Variants in ARSG observed in about 807,000 individuals in gnomAD.
ARSG encodes the protein arylsulfatase G, also known as ASG.
ARSG carries 37 observed loss-of-function variants against 50.5 expected under a neutral mutation model. That is an observed-to-expected ratio of 0.73 (90% CI 0.56 to 0.96). The LOEUF (loss-of-function observed/expected upper bound fraction) is 0.96, where lower values mean the gene tolerates loss of function less well. Among genes scored for constraint, ARSG ranks in the 50% least tolerant of loss-of-function variants. The probability of loss-of-function intolerance (pLI) is 0.00; values close to 1 mark genes in which losing one functional copy is unlikely to be tolerated. For synonymous variants in ARSG, 225 were observed against 254.6 expected (o/e 0.88, Z 1.11); for missense variants, 629 against 675.3 (o/e 0.93, Z 0.76).
At chr17:68,444,722 G>T in the ARSG span, 2 of 661,402 alleles carry the variant, frequency 3.0e-6, no homozygotes, top group Non-Finnish European at 5.0e-6. Flanking sequence ...GATGCATTTT[G>T]AAGATTGTGT....
chr17:68,305,260 C>T (rs1036926767), intron 1 of ARSG, among the ~76,000 whole-genome samples: 5 of 152,158 alleles, frequency 3.3e-5, no homozygotes, highest in African/African-American at 7.2e-5. Flanking sequence ...CTTCAATTCC[C>T]GTCTTTCAAA....
At chr17:68,406,177 T>C (rs2081707107) in intron 11 of ARSG, among the ~76,000 whole-genome samples, 2 of 152,224 alleles carry the variant, frequency 1.3e-5, no homozygotes, top group African/African-American at 2.4e-5. Context: ...TCACTTAGAA[T>C]AATAGCCTCC....
At chr17:68,441,808 T>G in the ARSG span, among the ~76,000 whole-genome samples, 1 of 152,192 alleles carries the variant, frequency 6.6e-6, no homozygotes, top group East Asian at 1.9e-4. Context: ...TCAGGAGAAG[T>G]TGAGGTGATA....
chr17:68,360,194 T>C (rs1396359217), intron 6 of ARSG, among the ~76,000 whole-genome samples: 1 of 152,222 alleles, frequency 6.6e-6, no homozygotes. Context: ...GTTAATTCAT[T>C]AGCTGGTTAT....
intron 1 of ARSG, among the ~76,000 whole-genome samples, chr17:68,273,640 G>A (rs1446916195): frequency 7.2e-5 from 11 of 152,190 alleles, no homozygotes; most frequent in Non-Finnish European, 1.0e-4. Flanking sequence ...ACAGAAATTC[G>A]TCTTACTTTG....
chr17:68,405,977 G>T (rs1320133615), intron 11 of ARSG, among the ~76,000 whole-genome samples: 1 of 151,952 alleles, frequency 6.6e-6, no homozygotes, highest in Non-Finnish European at 1.5e-5. Context: ...GTGAAATTTT[G>T]GTGCACCCAT....
intron 4 of ARSG, among the ~76,000 whole-genome samples, chr17:68,349,701 T>C (rs2078670106): frequency 6.6e-6 from 1 of 152,048 alleles, no homozygotes; most frequent in African/African-American, 2.4e-5. Context: ...CTGGCCAACA[T>C]GCTGAAATCC....
At chr17:68,301,144 A>G (rs2145463327) in intron 1 of ARSG, among the ~76,000 whole-genome samples, 2 of 151,814 alleles carry the variant, frequency 1.3e-5, no homozygotes, top group South Asian at 4.2e-4. Flanking sequence ...CATTTTAATT[A>G]CGTAAGTGAA....
intron 1 of ARSG, among the ~76,000 whole-genome samples, chr17:68,269,691 T>TTTTTTTTTA (rs57001011): frequency 4.0e-5 from 6 of 149,024 alleles, no homozygotes; most frequent in Middle Eastern, 3.4e-3. Context: ...TTTTTTTTTT[T>TTTTTTTTTA]AGACAGAGTT....
intron 2 of ARSG, among the ~76,000 whole-genome samples, chr17:68,331,320 G>A (rs904830782): frequency 4.7e-5 from 7 of 149,374 alleles, no homozygotes; most frequent in South Asian, 4.3e-4. Flanking sequence ...GCACAATCTC[G>A]GCTCACTGAA....
chr17:68,444,500 G>A, the ARSG span: 1 of 1,613,254 alleles, frequency 6.2e-7, no homozygotes, highest in Non-Finnish European at 8.5e-7. Flanking sequence ...CACCTGTTGG[G>A]TTTGCAGGAA....
intron 11 of ARSG, among the ~76,000 whole-genome samples, chr17:68,403,033 TA>T (rs1466662108): frequency 6.6e-6 from 1 of 152,162 alleles, no homozygotes; most frequent in African/African-American, 2.4e-5. Context: ...AATTATATGA[TA>T]AAAAAATTAT....
At chr17:68,340,348 G>A (rs1053096898) in intron 2 of ARSG, among the ~76,000 whole-genome samples, 7 of 151,992 alleles carry the variant, frequency 4.6e-5, no homozygotes, top group East Asian at 1.9e-4. Flanking sequence ...ACAGTGGTGC[G>A]ATCTCGGCTC....
chr17:68,332,221 G>C (rs1222768910), intron 2 of ARSG, among the ~76,000 whole-genome samples: 1 of 152,194 alleles, frequency 6.6e-6, no homozygotes, highest in African/African-American at 2.4e-5. Context: ...GATGTTCCTT[G>C]CTGAGAAAAA....
At chr17:68,276,366 G>C (rs566485258) in intron 1 of ARSG, among the ~76,000 whole-genome samples, 1 of 152,288 alleles carries the variant, frequency 6.6e-6, no homozygotes, top group South Asian at 2.1e-4. Flanking sequence ...TTTAATTTCA[G>C]CAATAACTTC....
chr17:68,426,127 T>TCAA, downstream of ARSG: 1 of 1,612,430 alleles, frequency 6.2e-7, no homozygotes, highest in Non-Finnish European at 8.5e-7. Context: ...CGCAAACTCA[T>TCAA]GTTCAGGAAT....
intron 11 of ARSG, among the ~76,000 whole-genome samples, chr17:68,412,280 AGTGCTTCCTTCAG>A (rs1249725634): frequency 1.3e-5 from 2 of 152,064 alleles, no homozygotes; most frequent in African/African-American, 4.8e-5. Flanking sequence ...TTCCATGTTT[AGTGCTTCCTTCAG>A]GAGCTCTTTT....
At chr17:68,366,140 T>C (rs570084549) in intron 6 of ARSG, among the ~76,000 whole-genome samples, 1 of 152,142 alleles carries the variant, frequency 6.6e-6, no homozygotes, top group East Asian at 1.9e-4. Context: ...GGTTTTGCCA[T>C]CTTGGCCCAG....
At chr17:68,411,122 C>A (rs1441000688) in intron 11 of ARSG, among the ~76,000 whole-genome samples, 3 of 152,134 alleles carry the variant, frequency 2.0e-5, no homozygotes, top group Admixed American at 2.0e-4. Flanking sequence ...TCTCTATTTC[C>A]TTCAGTTCTG....
Sources: allele counts gnomAD v4.1 joint callset (sites outside exome capture counted in the v4.1 genomes callset), GRCh38; gene constraint gnomAD v4.1.1; transcripts MANE v1.5; gene names NCBI Gene and HGNC (gene_info 2026-07-23, HGNC 2026-07-21).